The following LRRC4C variants were observed in gnomAD, a reference collection of about 807,000 sequenced individuals.
LRRC4C encodes the protein leucine-rich repeat-containing protein 4C.
In LRRC4C, 5 loss-of-function variants were observed where a neutral mutation model predicts 33.6. The ratio of observed to expected loss-of-function variants is 0.15; its 90% CI spans 0.08 to 0.31. The LOEUF (loss-of-function observed/expected upper bound fraction) is 0.31, where lower values mean the gene tolerates loss of function less well. Among genes scored for constraint, LRRC4C ranks in the 10% least tolerant of loss-of-function variants. The pLI is 1.00. For synonymous variants in LRRC4C, 329 were observed against 302.0 expected (o/e 1.09, Z -0.93); for missense variants, 560 against 796.7 (o/e 0.70, Z 3.58).
At chr11:41,247,693 T>C (rs1315205808) in intron 1 of LRRC4C, among the ~76,000 whole-genome samples, 2 of 152,186 alleles carry the variant, frequency 1.3e-5, no homozygotes, top group Non-Finnish European at 2.9e-5. Flanking sequence ...TTGTCTGCAT[T>C]TCAGTCAACA....
chr11:40,604,705 A>G (rs926740063), intron 3 of LRRC4C, among the ~76,000 whole-genome samples: 1 of 152,154 alleles, frequency 6.6e-6, no homozygotes, highest in Non-Finnish European at 1.5e-5. Context: ...TATTTAATAA[A>G]TATTCTGCTT....
chr11:41,169,015 A>T (rs1590820686), intron 1 of LRRC4C, among the ~76,000 whole-genome samples: 1 of 152,174 alleles, frequency 6.6e-6, no homozygotes, highest in East Asian at 1.9e-4. Context: ...TTTTGCAAAC[A>T]AGAAGATGAA....
chr11:40,561,180 AG>A (rs34673455), intron 3 of LRRC4C, among the ~76,000 whole-genome samples: 1 of 152,118 alleles, frequency 6.6e-6, no homozygotes, highest in African/African-American at 2.4e-5. Flanking sequence ...AGATGCATAA[AG>A]GGGGAAGTTT....
At chr11:41,103,647 T>C (rs987636026) in intron 1 of LRRC4C, among the ~76,000 whole-genome samples, 4 of 151,926 alleles carry the variant, frequency 2.6e-5, no homozygotes, top group Admixed American at 2.6e-4. Context: ...GGATAGGCAA[T>C]GCTCCTTAAA....
At chr11:40,151,638 AG>A (rs1490917745) in intron 5 of LRRC4C, among the ~76,000 whole-genome samples, 1 of 152,232 alleles carries the variant, frequency 6.6e-6, no homozygotes, top group Non-Finnish European at 1.5e-5. Context: ...AATATGCTAC[AG>A]TTGTGCTAAA....
chr11:41,319,313 G>GC (rs35162966), intron 1 of LRRC4C, among the ~76,000 whole-genome samples: 27,457 of 152,020 alleles, frequency 0.18, 2,783 homozygotes, highest in East Asian at 0.44. Context: ...ATTTAAATCT[G>GC]CAAGGGGTGA....
chr11:41,214,980 C>T (rs947580975), intron 1 of LRRC4C, among the ~76,000 whole-genome samples: 2 of 143,534 alleles, frequency 1.4e-5, no homozygotes, highest in African/African-American at 5.2e-5. Context: ...CCTTCATTTC[C>T]TATGTTCATT....
intron 1 of LRRC4C, among the ~76,000 whole-genome samples, chr11:41,266,420 A>C (rs2136788076): frequency 6.6e-6 from 1 of 152,276 alleles, no homozygotes; most frequent in African/African-American, 2.4e-5. Context: ...GGTAAACCCA[A>C]CAGAATTTAT....
intron 3 of LRRC4C, among the ~76,000 whole-genome samples, chr11:40,525,266 G>A (rs1955995637): frequency 6.6e-6 from 1 of 152,088 alleles, no homozygotes; most frequent in South Asian, 2.1e-4. Flanking sequence ...CTAACACAGT[G>A]AAACTCCATC....
chr11:40,847,071 T>A (rs1476342930), intron 2 of LRRC4C, among the ~76,000 whole-genome samples: 3 of 152,196 alleles, frequency 2.0e-5, no homozygotes, highest in African/African-American at 7.2e-5. Flanking sequence ...TAGGGTTTTC[T>A]AAATATACAA....
chr11:40,777,499 G>GT lies in LRRC4C; in HGVS notation c.-406-129222dup, dbSNP rs57851988. 5.7e-3 allele frequency among the ~76,000 whole-genome samples: 790 copies of GT among 137,566 alleles called. 7 individuals carry two copies. The highest frequency in any genetic ancestry group is 0.014 in the African/African-American group (514 of 37,482). 90.2% of individuals were successfully genotyped at this position (137,566 alleles called of 152,430 possible). A position where few individuals can be genotyped will look rare whatever the true frequency, so the allele number is the denominator to read the frequency against. Reference sequence around the variant, plus strand: ...ATACCATTCTTTGTCCTTTTTTACTGTTTTTTTTTTTTTTTTTTGTTTAAA... The same window carrying GT: ...ATACCATTCTTTGTCCTTTTTTACTGTTTTTTTTTTTTTTTTTTTGTTTAAA... On this transcript the variant is annotated intron_variant, in intron 2 of 6. Coordinates refer to ENST00000528697, the MANE Select transcript of LRRC4C (RefSeq NM_001258419.2).
At position 41,361,359 on chromosome 11, in the gene LRRC4C, C is replaced by T. The variant is rs76490484; in HGVS notation, c.-496+98072G>A. 8.0e-3 allele frequency among the ~76,000 whole-genome samples: 1,219 copies of T among 152,250 alleles called. 19 individuals are homozygous for T. Among genetic ancestry groups the T allele is most frequent in the African/African-American group, 0.028 (1,145 of 41,532 alleles). On this transcript the variant is annotated intron_variant, in intron 1 of 6. Transcript: ENST00000528697. ...AGGAGTTACAGAAAATATATATTTT[C>T]GGTACTCTCTTTTCTGTGCCTGCAT...
intron 1 of LRRC4C, among the ~76,000 whole-genome samples, chr11:41,405,436 T>C (rs1954195465): frequency 6.6e-6 from 1 of 152,128 alleles, no homozygotes; most frequent in Non-Finnish European, 1.5e-5. Context: ...AGATAATTAA[T>C]ATTCAATCTC....
At chr11:40,840,015 A>AT (rs1364379475) in intron 2 of LRRC4C, among the ~76,000 whole-genome samples, 1 of 152,194 alleles carries the variant, frequency 6.6e-6, no homozygotes, top group African/African-American at 2.4e-5. Context: ...ATTTCAGAAA[A>AT]TGGAAATATT....
At chr11:40,309,141 GAGAA>G (rs1476780715) in intron 4 of LRRC4C, among the ~76,000 whole-genome samples, 2 of 152,272 alleles carry the variant, frequency 1.3e-5, no homozygotes, top group East Asian at 1.9e-4. Context: ...TTTATCATCT[GAGAA>G]AGAAACTTGG....
At chr11:41,454,874 G>A (rs1590335506) in intron 1 of LRRC4C, among the ~76,000 whole-genome samples, 1 of 152,068 alleles carries the variant, frequency 6.6e-6, no homozygotes, top group East Asian at 1.9e-4. Context: ...TAAACTAGTT[G>A]AACAGGAATG....
chr11:41,240,683 G>T (rs921972989), intron 1 of LRRC4C, among the ~76,000 whole-genome samples: 2 of 152,106 alleles, frequency 1.3e-5, no homozygotes, highest in Admixed American at 1.3e-4. Context: ...GACCTACATG[G>T]GGATGACTTT....
chr11:40,371,399 C>T (rs1230393394), intron 3 of LRRC4C, among the ~76,000 whole-genome samples: 1 of 152,148 alleles, frequency 6.6e-6, no homozygotes, highest in Non-Finnish European at 1.5e-5. Flanking sequence ...ACAATATTTC[C>T]TTCAGTCCCA....
intron 2 of LRRC4C, among the ~76,000 whole-genome samples, chr11:40,929,012 T>A (rs1957503480): frequency 6.6e-6 from 1 of 152,190 alleles, no homozygotes. Context: ...GCCTCTTTCC[T>A]CTAATACCAA....
Sources: allele counts gnomAD v4.1 joint callset (sites outside exome capture counted in the v4.1 genomes callset), GRCh38; gene constraint gnomAD v4.1.1; transcripts MANE v1.5; gene names NCBI Gene and HGNC (gene_info 2026-07-23, HGNC 2026-07-21).